The following CATSPERT variants were observed in gnomAD, a reference collection of about 807,000 sequenced individuals.
CATSPERT encodes cation channel sperm-associated targeting subunit tau.
chr2:201,524,037 G>C, the CATSPERT span, among the ~76,000 whole-genome samples: 1 of 152,050 alleles, frequency 6.6e-6, no homozygotes, highest in Admixed American at 6.6e-5. Flanking sequence ...CTTAAGAAAG[G>C]GAGAGAGAGC....
chr2:201,492,923 G>A, the CATSPERT span: 5 of 1,536,456 alleles, frequency 3.3e-6, no homozygotes, highest in African/African-American at 1.4e-5. Context: ...GACTCTGAGA[G>A]TTCTTCTAGA....
At chr2:201,619,118 G>A in the CATSPERT span, 6 of 1,614,034 alleles carry the variant, frequency 3.7e-6, no homozygotes, top group Non-Finnish European at 5.1e-6. Flanking sequence ...TTTGTCTCTT[G>A]GGGTGGCTCC....
At chr2:201,559,082 A>T in the CATSPERT span, among the ~76,000 whole-genome samples, 1 of 152,212 alleles carries the variant, frequency 6.6e-6, no homozygotes, top group South Asian at 2.1e-4. Context: ...AGAGCAGCTG[A>T]TATATCCCTG....
the CATSPERT span, among the ~76,000 whole-genome samples, chr2:201,533,835 T>C: frequency 0.01 from 1,534 of 152,184 alleles, 27 homozygotes; most frequent in African/African-American, 0.035. Flanking sequence ...TAACAGAAGT[T>C]AGTGAGGGTG....
At chr2:201,495,818 G>C in the CATSPERT span, 1 of 921,420 alleles carries the variant, frequency 1.1e-6, no homozygotes, top group African/African-American at 1.8e-5. Context: ...TAGCTTTTTA[G>C]AACTATTGAA....
At chr2:201,492,916 T>C in the CATSPERT span, 4 of 1,536,538 alleles carry the variant, frequency 2.6e-6, no homozygotes, top group African/African-American at 5.5e-5. Flanking sequence ...TACTTCTGAC[T>C]CTGAGAGTTC....
chr2:201,502,658 C>T, the CATSPERT span, among the ~76,000 whole-genome samples: 1 of 151,730 alleles, frequency 6.6e-6, no homozygotes, highest in South Asian at 2.1e-4. Context: ...GCCTTTTGCC[C>T]CTCTGAGTAA....
the CATSPERT span, among the ~76,000 whole-genome samples, chr2:201,616,308 A>G: frequency 2.2e-4 from 33 of 152,250 alleles, no homozygotes; most frequent in African/African-American, 7.5e-4. Context: ...AAAATCCTCA[A>G]TGAAACACTG....
chr2:201,518,469 G>A, the CATSPERT span, among the ~76,000 whole-genome samples: 1 of 152,196 alleles, frequency 6.6e-6, no homozygotes, highest in African/African-American at 2.4e-5. Flanking sequence ...ATATCAGAGG[G>A]TACAAGCATT....
chr2:201,574,285 T>C, the CATSPERT span: 2 of 1,593,780 alleles, frequency 1.3e-6, no homozygotes, highest in East Asian at 2.3e-5. Context: ...AAACTAAACA[T>C]GTGATAAATT....
the CATSPERT span, among the ~76,000 whole-genome samples, chr2:201,488,872 C>T: frequency 2.0e-5 from 3 of 152,206 alleles, no homozygotes; most frequent in African/African-American, 7.2e-5. Context: ...AGAAAACATT[C>T]TTCCTCTTCC....
At chr2:201,613,829 G>C in the CATSPERT span, among the ~76,000 whole-genome samples, 20 of 152,242 alleles carry the variant, frequency 1.3e-4, no homozygotes, top group African/African-American at 4.8e-4. Flanking sequence ...CAGATGAATG[G>C]CTAATTAGAA....
At chr2:201,603,528 A>G in the CATSPERT span, among the ~76,000 whole-genome samples, 1 of 152,232 alleles carries the variant, frequency 6.6e-6, no homozygotes, top group Non-Finnish European at 1.5e-5. Flanking sequence ...AAGAATAATA[A>G]TTCATTATTA....
At chr2:201,520,950 CATT>C in the CATSPERT span, among the ~76,000 whole-genome samples, 2 of 149,550 alleles carry the variant, frequency 1.3e-5, no homozygotes, top group Non-Finnish European at 3.0e-5. Context: ...AAAAAAAAAT[CATT>C]AGAGACTACC....
chr2:201,558,089 T>C, the CATSPERT span: 1 of 152,244 alleles, frequency 6.6e-6, no homozygotes, highest in Admixed American at 6.5e-5. Context: ...ATTACACTTA[T>C]CGCCACCTCC....
chr2:201,581,752 G>T, the CATSPERT span, among the ~76,000 whole-genome samples: 1 of 150,464 alleles, frequency 6.6e-6, no homozygotes, highest in Non-Finnish European at 1.5e-5. Flanking sequence ...GGGATTACAG[G>T]CATGGGCCAC....
chr2:201,523,182 G>A, the CATSPERT span, among the ~76,000 whole-genome samples: 1 of 152,176 alleles, frequency 6.6e-6, no homozygotes, highest in East Asian at 1.9e-4. Flanking sequence ...CCCTGCTGGT[G>A]TGCATGTGTG....
the CATSPERT span, among the ~76,000 whole-genome samples, chr2:201,572,918 G>A: frequency 6.6e-6 from 1 of 152,076 alleles, no homozygotes; most frequent in African/African-American, 2.4e-5. Flanking sequence ...TGTTAAATAA[G>A]GCTGATGTCT....
the CATSPERT span, among the ~76,000 whole-genome samples, chr2:201,567,627 T>C: frequency 1.3e-5 from 2 of 152,288 alleles, no homozygotes; most frequent in African/African-American, 2.4e-5. Flanking sequence ...CAGGGAAAAG[T>C]TAATGTCCCA....
Sources: gnomAD v4.1 joint callset for allele counts (sites outside exome capture counted in the v4.1 genomes callset) on GRCh38, gnomAD v4.1.1 for gene constraint, MANE v1.5 for transcripts, NCBI Gene and HGNC (gene_info 2026-07-23, HGNC 2026-07-21) for gene names.